Variants in NPHP4 observed in about 807,000 individuals in gnomAD.
NPHP4 encodes the protein nephrocystin-4.
In NPHP4, 151 loss-of-function variants were observed where a neutral mutation model predicts 155.8. The ratio of observed to expected loss-of-function variants is 0.97; its 90% CI spans 0.85 to 1.11. NPHP4 has a LOEUF of 1.11. Ranked by LOEUF, NPHP4 falls within the 50% of genes least tolerant of loss-of-function variation. NPHP4 has a pLI of 0.00. For synonymous variants in NPHP4, 845 were observed against 816.8 expected (o/e 1.03, Z -0.59); for missense variants, 1,956 against 1,925.7 (o/e 1.02, Z -0.29).
chr1:5,957,438 T>G (rs1170628954), intron 6 of NPHP4, among the ~76,000 whole-genome samples: 1 of 152,166 alleles, frequency 6.6e-6, no homozygotes, highest in Non-Finnish European at 1.5e-5. Flanking sequence ...TTCAGCAGAA[T>G]GCACCTCAGA....
At chr1:5,920,672 T>C (rs899325665) in intron 11 of NPHP4, among the ~76,000 whole-genome samples, 2 of 152,212 alleles carry the variant, frequency 1.3e-5, no homozygotes, top group Non-Finnish European at 2.9e-5. Flanking sequence ...CATTTTTCTT[T>C]TCTGTTGTTT....
rs992018468 is a variant in NPHP4, at chr1:5,892,167, A to C, written c.2144-1139T>G. 6.6e-6 allele frequency among the ~76,000 whole-genome samples: 1 copy of C among 152,082 alleles called. No homozygotes were observed. The highest frequency in any genetic ancestry group is 2.4e-5 in the African/African-American group (1 of 41,422). Reference sequence around the variant, plus strand: ...AGAGGTGACCAGCCACACAGCCCCCACCCCTGCCTGGACTGTGGCATCTAG... The same window carrying C: ...AGAGGTGACCAGCCACACAGCCCCCCCCCCTGCCTGGACTGTGGCATCTAG... On this transcript the variant is annotated intron_variant, in intron 16 of 29. Coordinates refer to ENST00000378156, the MANE Select transcript of NPHP4 (RefSeq NM_015102.5). The surrounding 1 kb of genome is among the most constrained non-coding windows in gnomAD (Gnocchi z 4.5).
chr1:5,978,780 G>A (rs1253574006), intron 2 of NPHP4, among the ~76,000 whole-genome samples: 1 of 152,172 alleles, frequency 6.6e-6, no homozygotes, highest in Non-Finnish European at 1.5e-5. Context: ...CATCACCTGA[G>A]ACCTCGCTCA....
chr1:5,951,243 G>A (rs568877787), intron 7 of NPHP4, among the ~76,000 whole-genome samples: 3 of 152,330 alleles, frequency 2.0e-5, no homozygotes, highest in East Asian at 1.9e-4. Flanking sequence ...GTCCTTCCTC[G>A]TGTCGCGCAG....
rs1557879816 is a variant in NPHP4, at chr1:5,978,264, GC to G, written c.279+5del. On this transcript the variant is annotated splice_donor_5th_base_variant and intron_variant, in intron 3 of 29. Transcript: ENST00000378156. ...AGCAGCCCCTGCCACCATCACCAGGGCCCACCTCATTAAAGACGATCCTGGA... is the reference window on the plus strand; with the variant it reads ...AGCAGCCCCTGCCACCATCACCAGGGCCACCTCATTAAAGACGATCCTGGA... The G allele has an allele frequency of 6.2e-7, 1 of 1,602,590 alleles. No homozygotes were observed.
chr1:5,901,785 G>A (rs1361590089), intron 16 of NPHP4, among the ~76,000 whole-genome samples: 3 of 152,232 alleles, frequency 2.0e-5, no homozygotes, highest in Non-Finnish European at 2.9e-5. Flanking sequence ...AGTGGGTACA[G>A]AGGAGCCTTG....
chr1:5,911,790 T>A (rs906553197), intron 11 of NPHP4, among the ~76,000 whole-genome samples: 9 of 152,104 alleles, frequency 5.9e-5, no homozygotes, highest in Non-Finnish European at 4.4e-5. Context: ...CAGTTTCGAA[T>A]CTCTTTGTTT....
chr1:5,929,674 T>C (rs973151030), intron 10 of NPHP4, among the ~76,000 whole-genome samples: 11 of 152,208 alleles, frequency 7.2e-5, no homozygotes, highest in African/African-American at 2.2e-4. Flanking sequence ...TATTATTCTT[T>C]TTGCGTATTG....
chr1:5,983,323 A>G (rs1004177046), intron 2 of NPHP4, among the ~76,000 whole-genome samples: 1 of 152,146 alleles, frequency 6.6e-6, no homozygotes, highest in Non-Finnish European at 1.5e-5. Flanking sequence ...CTTTTGCTGG[A>G]GTCTGGGAAC....
At position 5,904,806 on chromosome 1, in the gene NPHP4, T is replaced by C. The variant is rs1271993311; in HGVS notation, c.1956-2A>G. On this transcript the variant is annotated splice_acceptor_variant, in intron 15 of 29. Coordinates refer to ENST00000378156, the MANE Select transcript of NPHP4 (RefSeq NM_015102.5). LOFTEE classifies it high-confidence loss of function. ...GTTCCTCGGCAGTCCTGGGCCACTC[T>C]GAATCCAACAACAGCTCTGGGTTAA... 3.1e-6 allele frequency: 5 copies of C among 1,613,902 alleles called. No homozygotes were observed. The highest frequency in any genetic ancestry group is 4.2e-6 in the Non-Finnish European group (5 of 1,179,780).
At chr1:5,936,422 C>T (rs922957623) in intron 9 of NPHP4, among the ~76,000 whole-genome samples, 2 of 152,160 alleles carry the variant, frequency 1.3e-5, no homozygotes, top group African/African-American at 2.4e-5. Flanking sequence ...GAGTCTAACA[C>T]GCTCCTACAG....
At chr1:5,951,964 G>A (rs756951245) in intron 7 of NPHP4, among the ~76,000 whole-genome samples, 15 of 152,214 alleles carry the variant, frequency 9.9e-5, no homozygotes, top group African/African-American at 2.9e-4. Flanking sequence ...GCACCTGCAC[G>A]ACGCAGACAT....
chr1:5,921,582 T>C (rs2101589761), intron 11 of NPHP4, among the ~76,000 whole-genome samples: 1 of 152,372 alleles, frequency 6.6e-6, no homozygotes, highest in East Asian at 1.9e-4. Flanking sequence ...ATACTGAGCA[T>C]GTTTTCATTT....
In NPHP4 at chr1:5,907,155, G is replaced by T; in HGVS notation, c.1571C>A (p.Ser524Ter). 1 of 1,586,026 alleles carries T rather than the reference G, an allele frequency of 6.3e-7. No individual in the cohort carries two copies. Among genetic ancestry groups the T allele is most frequent in the South Asian group, 1.2e-5 (1 of 86,266 alleles). ...PTQHCLARPT[S>*]QLPHGSQASP... ...GGCCTGAGAGCCATGGGGTAGCTGT[G>T]AAGTAGGCCTGGCCAAGCAGTGCTG... The change falls in exon 13 of 30, where the codon TCA (serine) becomes TAA (stop). Residue 524 changes from serine to a stop codon, truncating the protein, a stop_gained. Transcript: ENST00000378156. LOFTEE classifies it high-confidence loss of function.
chr1:5,964,941 A>ATATATATTTTTTTTTTTT lies in NPHP4; in HGVS notation c.517+2357_517+2358insAAAAAAAAAAAATATATA. Reference sequence around the variant, plus strand: ...ATTATATATATATATATATATATATATTTTTTTTTTTTGAGGCAGGGTCTC... The same window carrying ATATATATTTTTTTTTTTT: ...ATTATATATATATATATATATATATATATATATTTTTTTTTTTTTTTTTTTTTTTTGAGGCAGGGTCTC... On this transcript the variant is annotated intron_variant, in intron 5 of 29. Coordinates refer to ENST00000378156, the MANE Select transcript of NPHP4 (RefSeq NM_015102.5). 8.9e-4 allele frequency among the ~76,000 whole-genome samples: 53 copies of ATATATATTTTTTTTTTTT among 59,408 alleles called. 2 individuals are homozygous for ATATATATTTTTTTTTTTT. Among genetic ancestry groups the ATATATATTTTTTTTTTTT allele is most frequent in the African/African-American group, 4.2e-3 (50 of 11,784 alleles). 39.0% of individuals were successfully genotyped at this position (59,408 alleles called of 152,430 possible). A position where few individuals can be genotyped will look rare whatever the true frequency, so the allele number is the denominator to read the frequency against.
chr1:5,951,351 G>A (rs182423569), intron 7 of NPHP4, among the ~76,000 whole-genome samples: 2 of 152,362 alleles, frequency 1.3e-5, no homozygotes, highest in East Asian at 3.9e-4. Flanking sequence ...ACCCACACCA[G>A]TCTCTTGGCT....
chr1:5,940,735 A>G (rs1201355622), intron 9 of NPHP4, among the ~76,000 whole-genome samples: 2 of 152,238 alleles, frequency 1.3e-5, no homozygotes, highest in Non-Finnish European at 2.9e-5. Flanking sequence ...AAAATTTAAT[A>G]AGAATTGTTA....
intron 19 of NPHP4, 98 bp from the exon 20 acceptor site, chr1:5,877,396 G>T (rs1288319554): frequency 2.1e-6 from 2 of 941,660 alleles, no homozygotes; most frequent in East Asian, 2.8e-5. Flanking sequence ...TATATAGGGA[G>T]GGAGCTCAAG....
At position 5,907,228 on chromosome 1, in the gene NPHP4, A is replaced by T; in HGVS notation, c.1504-6T>A. ...GCCAGCTGGGAAATTGACAACTGGA[A>T]GGAAAGAGAGCACAGGTGAGGGGCT... On this transcript the variant is annotated splice_region_variant and splice_polypyrimidine_tract_variant and intron_variant, in intron 12 of 29. Coordinates refer to ENST00000378156, the MANE Select transcript of NPHP4 (RefSeq NM_015102.5). The T allele has an allele frequency of 6.4e-7, 1 of 1,558,416 alleles. No homozygotes were observed. The highest frequency in any genetic ancestry group is 8.7e-7 in the Non-Finnish European group (1 of 1,146,962).
Sources: gnomAD v4.1 joint callset for allele counts (sites outside exome capture counted in the v4.1 genomes callset) on GRCh38, gnomAD v4.1.1 for gene constraint, Gnocchi (gnomAD v3.1) non-coding constraint, MANE v1.5 for transcripts, NCBI Gene and HGNC (gene_info 2026-07-23, HGNC 2026-07-21) for gene names.